SBF1: variants seen among roughly 807,000 people sequenced by gnomAD.
SBF1 encodes the protein myotubularin-related protein 5.
In SBF1, 65 loss-of-function variants were observed where a neutral mutation model predicts 215.8. The ratio of observed to expected loss-of-function variants is 0.30; its 90% CI spans 0.25 to 0.37. The LOEUF (loss-of-function observed/expected upper bound fraction) is 0.37. Among genes scored for constraint, SBF1 ranks in the 10% least tolerant of loss-of-function variants. The probability of loss-of-function intolerance (pLI) is 1.00; values close to 1 mark genes in which losing one functional copy is unlikely to be tolerated. For synonymous variants in SBF1, 1,410 were observed against 1,122.8 expected (o/e 1.26, Z -5.11); for missense variants, 2,634 against 2,667.8 (o/e 0.99, Z 0.28).
Position 50,474,875 on chromosome 22 carries a change from C to A in SBF1, c.-35G>T, listed in dbSNP as rs1329590908. 1.5e-5 allele frequency: 20 copies of A among 1,336,622 alleles called. No homozygotes were observed. The highest frequency in any genetic ancestry group is 1.8e-5 in the Non-Finnish European group (19 of 1,045,802). The allele number at this position is 1,336,622 out of a possible 1,614,324, so 82.8% of individuals were successfully genotyped here. A position where few individuals can be genotyped will look rare whatever the true frequency, so the allele number is the denominator to read the frequency against. On this transcript the variant is annotated 5_prime_UTR_variant, in exon 1 of 41. Transcript: ENST00000380817. ...CGCGGGGCGGCCCGAGGGGCGCGGG[C>A]GGGCTCCGCGGCTCGGGGACTCGAG... is the stretch of plus-strand genomic sequence containing the variant.
rs1223684567 is a variant in SBF1, at chr22:50,467,410, G to T, written c.477C>A (p.Gly159=). The part of the protein sequence containing the change: ...LGLIYAIHVE[G]LNVCLENVIG... ...TCACGTTCTCCAGGCACACATTCAG[G>T]CCCTCCACGTGGATGGCATAGATGA... Residue 159 remains glycine (G), a synonymous_variant, in exon 5 of 41, where the codon GGC becomes GGA. Coordinates refer to ENST00000380817, the MANE Select transcript of SBF1 (RefSeq NM_002972.4). 1 of 1,614,172 alleles carries T rather than the reference G, an allele frequency of 6.2e-7. No homozygotes were observed. The highest frequency in any genetic ancestry group is 2.2e-5 in the East Asian group (1 of 44,886).
At chr22:50,456,953 T>C (rs1049703586) in intron 29 of SBF1, 81 bp downstream of exon 29, 10 of 1,168,238 alleles carry the variant, frequency 8.6e-6, no homozygotes, top group Admixed American at 3.6e-5. Context: ...GAGACATTAG[T>C]GCCCGCAATA....
Position 50,464,536 on chromosome 22 carries a change from A to G in SBF1, c.1634T>C (p.Met545Thr), listed in dbSNP as rs761712897. ...CCTTCCCCTCCCTCATTACGCACTCATGGGGGGCCCTGAGGGCACGGTGGT... is the reference window on the plus strand; with the variant it reads ...CCTTCCCCTCCCTCATTACGCACTCGTGGGGGGCCCTGAGGGCACGGTGGT... Reference protein sequence around the residue: ...RRTTVPSGPPMTAILERCSGL... With the variant: ...RRTTVPSGPPTTAILERCSGL... The change falls in exon 14 of 41, where the codon ATG becomes ACG. Residue 545 changes from methionine to threonine, a missense_variant and splice_region_variant. Physicochemically the swap from Met to Thr is moderately conservative, Grantham distance 81. Transcript: ENST00000380817. 1.3e-5 allele frequency: 21 copies of G among 1,609,372 alleles called. No homozygotes were observed. The highest frequency in any genetic ancestry group is 5.0e-5 in the Admixed American group (3 of 59,758).
rs373529941 is a variant in SBF1 at position 50,467,649 on chromosome 22, C to T, written c.321G>A (p.Glu107=). The change falls in exon 4 of 41, where the codon GAG becomes GAA. Residue 107 remains glutamate, a synonymous_variant. Coordinates refer to ENST00000380817, the MANE Select transcript of SBF1 (RefSeq NM_002972.4). ...RVEDATEREE[E]GDEGGQTHLS... ...GGTGGGTCTGGCCTCCCTCATCCCC[C>T]TCTTCCTCCCTCTCTGTGGCATCCT... 9.9e-6 allele frequency: 16 copies of T among 1,613,824 alleles called. No individual in the cohort carries two copies. Among genetic ancestry groups the T allele is most frequent in the Non-Finnish European group, 1.3e-5 (15 of 1,179,878 alleles).
chr22:50,461,402 G>A, intron 22 of SBF1, 116 bp from the exon 23 acceptor site: 1 of 1,498,278 alleles, frequency 6.7e-7, no homozygotes, highest in Non-Finnish European at 8.9e-7. Context: ...AGCAGACAAA[G>A]GCCCGTTTCC....
Position 50,446,995 on chromosome 22 carries a change from G to A in SBF1, c.*147C>T. ...AGGGCCGGCCGGGCGGGGCGGGGCG[G>A]GGACGGGGGCTGTACACACAAGTGC... On this transcript the variant is annotated 3_prime_UTR_variant, in exon 41 of 41. Transcript: ENST00000380817. 1 of 766,104 alleles carries A rather than the reference G, an allele frequency of 1.3e-6. No homozygotes were observed. Among genetic ancestry groups the A allele is most frequent in the Admixed American group, 2.1e-5 (1 of 48,264 alleles). The allele number at this position is 766,104 out of a possible 1,614,324, so 47.5% of individuals were successfully genotyped here. A position where few individuals can be genotyped will look rare whatever the true frequency, so the allele number is the denominator to read the frequency against.
At position 50,463,289 on chromosome 22, in the gene SBF1, G is replaced by A. The variant is rs372442489; in HGVS notation, c.1893C>T (p.Cys631=). Residue 631 remains cysteine, a synonymous_variant, in exon 16 of 41, where the codon TGC becomes TGT. Coordinates refer to ENST00000380817, the MANE Select transcript of SBF1 (RefSeq NM_002972.4). ...FDFVVRMMNC[C]LQDCTSLDEH... ...GCAGGATAAGAGGCCTCACCTGCAG[G>A]CAGCAGTTCATCATACGGACGACAA... is the stretch of plus-strand genomic sequence containing the variant. 5.0e-6 allele frequency: 8 copies of A among 1,613,436 alleles called. No individual in the cohort carries two copies. Among genetic ancestry groups the A allele is most frequent in the African/African-American group, 1.3e-5 (1 of 74,940 alleles).
At chr22:50,449,229 C>T (rs986305423) in intron 36 of SBF1, among the ~76,000 whole-genome samples, 1 of 151,170 alleles carries the variant, frequency 6.6e-6, no homozygotes, top group Non-Finnish European at 1.5e-5. Context: ...CCACAATGTC[C>T]AGCTTACAAT....
chr22:50,474,603 CCGGCCCTCAGCGCCCAGCCCCCGGTCCT>C (rs1251158248), intron 1 of SBF1, among the ~76,000 whole-genome samples, 155 bp downstream of exon 1: 310 of 151,320 alleles, frequency 2.0e-3, no homozygotes, highest in African/African-American at 4.1e-3. Context: ...TCCCCCGACC[CCGGCCCTCAGCGCCCAGCCCCCGGTCCT>C]CGGCCCTCAG....
chr22:50,470,907 C>T (rs935891771), intron 1 of SBF1, among the ~76,000 whole-genome samples: 1 of 152,214 alleles, frequency 6.6e-6, no homozygotes, highest in African/African-American at 2.4e-5. Context: ...CCTCACCCTT[C>T]TGAGGTCCCA....
chr22:50,463,319 A>G lies in SBF1; in HGVS notation c.1863T>C (p.Phe621=), dbSNP rs894555595. 7 of 1,613,264 alleles carry G rather than the reference A, an allele frequency of 4.3e-6. No homozygotes were observed. Among genetic ancestry groups the G allele is most frequent in the Non-Finnish European group, 5.9e-6 (7 of 1,179,782 alleles). The change falls in exon 16 of 41, where the codon TTT becomes TTC. Residue 621 remains phenylalanine (F), a synonymous_variant. Transcript: ENST00000380817. Reference sequence around the variant, plus strand: ...AGTTCATCATACGGACGACAAAGTCAAACTGCTGGTGGTCCAGGACCGCAC... The same window carrying G: ...AGTTCATCATACGGACGACAAAGTCGAACTGCTGGTGGTCCAGGACCGCAC... The part of the protein sequence containing the change: ...QNRAVLDHQQ[F]DFVVRMMNCC...
Position 50,460,627 on chromosome 22 carries a change from G to A in SBF1, c.3053C>T (p.Pro1018Leu), listed in dbSNP as rs778046961. The A allele has an allele frequency of 6.8e-6, 11 of 1,613,968 alleles. No homozygotes were observed. Among genetic ancestry groups the A allele is most frequent in the Admixed American group, 3.3e-5 (2 of 60,016 alleles). ...RKQLHKLRYP[P>L]DIRATFAFTL... is the part of the protein sequence containing the mutation. ...GAACGCAAAGGTGGCCCTGATGTCC[G>A]GCGGGTACCGCAGCTTATGCAGCTG... The change falls in exon 24 of 41, where the codon CCG (proline) becomes CTG (leucine). Residue 1018 changes from proline (P) to leucine (L), a missense_variant. Physicochemically the swap from Pro to Leu is moderately conservative, Grantham distance 98 (BLOSUM62 -3). Transcript: ENST00000380817.
At chr22:50,474,730 G>A in intron 1 of SBF1, 56 bp downstream of exon 1, 6 of 1,398,752 alleles carry the variant, frequency 4.3e-6, no homozygotes, top group South Asian at 2.6e-5. Context: ...CCAGCCCCTG[G>A]CCCTCAGCAC....
At chr22:50,468,311 G>A in intron 2 of SBF1, 65 bp downstream of exon 2, 1 of 1,474,162 alleles carries the variant, frequency 6.8e-7, no homozygotes, top group Non-Finnish European at 9.4e-7. Flanking sequence ...TCAGGGACAA[G>A]GGCAGGGCTG....
intron 22 of SBF1, 73 bp from the exon 23 acceptor site, chr22:50,461,359 C>A: frequency 6.5e-7 from 1 of 1,544,302 alleles, no homozygotes. Context: ...CAGGGTACCA[C>A]AGTTATGGGG....
chr22:50,458,015 G>C (rs2067326249), intron 28 of SBF1, among the ~76,000 whole-genome samples: 1 of 152,180 alleles, frequency 6.6e-6, no homozygotes, highest in Non-Finnish European at 1.5e-5. Flanking sequence ...AAAGGTCAGA[G>C]CTGGCCAGGC....
Position 50,474,845 on chromosome 22 carries a change from A to G in SBF1, c.-5T>C. ...GTAGTCCGCGAGCCGCGCCATGGCG[A>G]GGGACGCGGGGCGGCCCGAGGGGCG... On this transcript the variant is annotated 5_prime_UTR_variant, in exon 1 of 41. Transcript: ENST00000380817. 7.0e-7 allele frequency: 1 copy of G among 1,424,230 alleles called. No individual in the cohort carries two copies. The highest frequency in any genetic ancestry group is 9.2e-7 in the Non-Finnish European group (1 of 1,090,494). The allele number at this position is 1,424,230 out of a possible 1,614,324, so 88.2% of individuals were successfully genotyped here.
At chr22:50,461,741 G>C in intron 21 of SBF1, 23 bp from the exon 22 acceptor site, 1 of 1,609,862 alleles carries the variant, frequency 6.2e-7, no homozygotes, top group Non-Finnish European at 8.5e-7. Context: ...AAGAGCAGGA[G>C]CTCAGGATGC....
In SBF1 at chr22:50,465,785, G is replaced by C; in HGVS notation, c.1067C>G (p.Ser356Cys). Residue 356 changes from serine to cysteine, a missense_variant, in exon 10 of 41, where the codon TCC becomes TGC. Transcript: ENST00000380817. ...CACCTGCATCTTCAGGGAGGAGGTGGATGTCGTGGGCGGAGGGAAGGCGAG... is the reference window on the plus strand; with the variant it reads ...CACCTGCATCTTCAGGGAGGAGGTGCATGTCGTGGGCGGAGGGAAGGCGAG... ...ADLAFPPPTTSTSSLKMQDKE... is the reference protein window; with the variant it reads ...ADLAFPPPTTCTSSLKMQDKE... 6.2e-7 allele frequency: 1 copy of C among 1,609,362 alleles called. No homozygotes were observed. Among genetic ancestry groups the C allele is most frequent in the Non-Finnish European group, 8.5e-7 (1 of 1,178,576 alleles).
Sources: allele counts gnomAD v4.1 joint callset (sites outside exome capture counted in the v4.1 genomes callset), GRCh38; gene constraint gnomAD v4.1.1; transcripts MANE v1.5; gene names NCBI Gene and HGNC (gene_info 2026-07-23, HGNC 2026-07-21).